The following TMEM44 variants were observed in gnomAD, a reference collection of about 807,000 sequenced individuals.
The protein encoded by TMEM44 is transmembrane protein 44.
A neutral mutation model predicts 47.8 loss-of-function variants in TMEM44; 43 were observed. The ratio of observed to expected loss-of-function variants is 0.90; its 90% CI spans 0.70 to 1.16. The LOEUF is 1.16. Among genes scored for constraint, TMEM44 ranks in the 50% most tolerant of loss-of-function variants. The probability of loss-of-function intolerance (pLI) is 0.00; values close to 1 mark genes in which losing one functional copy is unlikely to be tolerated. For missense variants in TMEM44, 568 were observed against 555.2 expected (o/e 1.02, Z -0.23); for synonymous variants, 277 against 238.8 (o/e 1.16, Z -1.48).
intron 8 of TMEM44, among the ~76,000 whole-genome samples, chr3:194,607,671 T>G (rs1314322373): frequency 6.6e-6 from 1 of 152,166 alleles, no homozygotes; most frequent in Non-Finnish European, 1.5e-5. Context: ...AGGAGTCGGC[T>G]GTGGGGCAAG....
rs577569485 is a variant in TMEM44 at position 194,593,678 on chromosome 3, ATC to A, written c.1177-5041_1177-5040del. 1.9e-3 allele frequency among the ~76,000 whole-genome samples: 296 copies of A among 152,338 alleles called. 2 individuals are homozygous for A. Among genetic ancestry groups the A allele is most frequent in the African/African-American group, 6.7e-3 (278 of 41,576 alleles). On this transcript the variant is annotated intron_variant, in intron 9 of 9. Coordinates refer to ENST00000347147, the MANE Select transcript of TMEM44 (RefSeq NM_001011655.3). ...TGACATGAGCTAAGAATCTATGAAT[ATC>A]TGTTACATTGATCTGGGAATGTCTA...
intron 9 of TMEM44, among the ~76,000 whole-genome samples, chr3:194,600,950 C>A (rs574526139): frequency 1.3e-5 from 2 of 152,230 alleles, no homozygotes; most frequent in East Asian, 3.9e-4. Context: ...AGGACCTCAG[C>A]GGCTTTGTCA....
rs1717969437 is a variant in TMEM44, at chr3:194,632,919, T to C, written c.137+160A>G. The C allele has an allele frequency of 2.7e-6, 3 of 1,113,824 alleles. No homozygotes were observed. In the African/African-American group the frequency reaches 4.9e-5, roughly 18 times the overall value. 69.0% of individuals were successfully genotyped at this position (1,113,824 alleles called of 1,614,324 possible). Reference sequence around the variant, plus strand: ...CTGTGCGTGGGATCCGGAAAGAAGATCCCACTTCAGTCTACAGAGCAATGT... The same window carrying C: ...CTGTGCGTGGGATCCGGAAAGAAGACCCCACTTCAGTCTACAGAGCAATGT... On this transcript the variant is annotated intron_variant, in intron 1 of 9. Coordinates refer to ENST00000347147, the MANE Select transcript of TMEM44 (RefSeq NM_001011655.3).
At chr3:194,626,986 A>G (rs1717256152) in intron 2 of TMEM44, among the ~76,000 whole-genome samples, 1 of 150,004 alleles carries the variant, frequency 6.7e-6, no homozygotes, top group South Asian at 2.1e-4. Context: ...CAGTGGCACG[A>G]TCTCGGCTTA....
chr3:194,602,032 C>G (rs116722795), intron 9 of TMEM44, among the ~76,000 whole-genome samples: 13 of 152,212 alleles, frequency 8.5e-5, no homozygotes, highest in Admixed American at 2.0e-4. Flanking sequence ...ATGCTCACTC[C>G]GGTCCCCTTT....
intron 8 of TMEM44, among the ~76,000 whole-genome samples, chr3:194,610,592 CCT>C (rs1715212590): frequency 6.6e-6 from 1 of 152,176 alleles, no homozygotes; most frequent in African/African-American, 2.4e-5. Context: ...GAACCCCAAA[CCT>C]CTTTTTCTTG....
At chr3:194,618,196 G>A (rs1370095176) in intron 5 of TMEM44, among the ~76,000 whole-genome samples, 2 of 152,158 alleles carry the variant, frequency 1.3e-5, no homozygotes, top group Non-Finnish European at 2.9e-5. Context: ...GTCACATGGG[G>A]AAGATCCGAA....
intron 9 of TMEM44, among the ~76,000 whole-genome samples, chr3:194,591,641 C>T (rs1712737921): frequency 6.6e-6 from 1 of 151,926 alleles, no homozygotes; most frequent in Non-Finnish European, 1.5e-5. Flanking sequence ...GAGACAGAGT[C>T]TCACTCCATC....
chr3:194,591,405 A>C (rs1198791558), intron 9 of TMEM44, among the ~76,000 whole-genome samples: 1 of 152,122 alleles, frequency 6.6e-6, no homozygotes, highest in Non-Finnish European at 1.5e-5. Flanking sequence ...GAAGCAGGAG[A>C]ATCGTTTGAA....
At chr3:194,595,626 ATT>A (rs1183156467) in intron 9 of TMEM44, among the ~76,000 whole-genome samples, 6 of 145,476 alleles carry the variant, frequency 4.1e-5, no homozygotes, top group African/African-American at 1.0e-4. Flanking sequence ...CTCATTCTCT[ATT>A]TTTTTTTTTT....
At chr3:194,604,223 C>T in intron 9 of TMEM44, 64 bp downstream of exon 9, 4 of 1,539,928 alleles carry the variant, frequency 2.6e-6, no homozygotes, top group Non-Finnish European at 3.5e-6. Context: ...CCCCAAGGAG[C>T]ACCCAGCAAG....
At chr3:194,620,183 C>T (rs1003707860) in intron 5 of TMEM44, among the ~76,000 whole-genome samples, 4 of 149,454 alleles carry the variant, frequency 2.7e-5, no homozygotes, top group East Asian at 4.0e-4. Flanking sequence ...CCCAGCTACT[C>T]GGGAGGCTGA....
intron 3 of TMEM44, among the ~76,000 whole-genome samples, chr3:194,625,551 G>A (rs1717070030): frequency 6.6e-6 from 1 of 152,102 alleles, no homozygotes; most frequent in South Asian, 2.1e-4. Context: ...TGCGATCTCA[G>A]CTCACTGCAA....
At chr3:194,632,646 G>A (rs1717939361) in intron 1 of TMEM44, among the ~76,000 whole-genome samples, 1 of 152,178 alleles carries the variant, frequency 6.6e-6, no homozygotes, top group South Asian at 2.1e-4. Flanking sequence ...CCTAGCTGGA[G>A]CAATACAAAT....
intron 5 of TMEM44, chr3:194,617,658 C>T (rs578108513): frequency 3.0e-5 from 21 of 704,010 alleles, no homozygotes; most frequent in South Asian, 8.9e-5. Context: ...CAGCACCTGA[C>T]GCTGGGCAGC....
In TMEM44 at chr3:194,611,099, A is replaced by C. The variant is rs1715280768; in HGVS notation, c.913-79T>G. 8.8e-6 allele frequency: 10 copies of C among 1,132,296 alleles called. No individual in the cohort carries two copies. Among genetic ancestry groups the C allele is most frequent in the South Asian group, 5.2e-5 (4 of 76,922 alleles). 70.1% of individuals were successfully genotyped at this position (1,132,296 alleles called of 1,614,324 possible). On this transcript the variant is annotated intron_variant, in intron 7 of 9. Coordinates refer to ENST00000347147, the MANE Select transcript of TMEM44 (RefSeq NM_001011655.3). This position sits in a 1 kb window ranked among gnomAD's most constrained non-coding sequence, Gnocchi z 4.2. ...TTTTCTAAAAACAAGGTCACATTTT[A>C]TTCAAAAGGACCCCCGTGGTATTTT...
intron 8 of TMEM44, 56 bp from the exon 9 acceptor site, chr3:194,604,501 G>C (rs1012270343): frequency 2.8e-5 from 41 of 1,454,028 alleles, no homozygotes; most frequent in Non-Finnish European, 3.6e-5. Context: ...TTTGATGGTT[G>C]AATTGTCAAA....
intron 7 of TMEM44, among the ~76,000 whole-genome samples, chr3:194,613,160 T>C (rs1715505129): frequency 6.6e-6 from 1 of 152,044 alleles, no homozygotes; most frequent in African/African-American, 2.4e-5. Flanking sequence ...ACAACACTTA[T>C]TTTTTATTTT....
At chr3:194,628,322 A>G in intron 2 of TMEM44, 61 bp downstream of exon 2, 1 of 1,560,510 alleles carries the variant, frequency 6.4e-7, no homozygotes, top group Non-Finnish European at 8.7e-7. Flanking sequence ...TGCAGCAGAG[A>G]GAAAGGCCAG....
Sources: allele counts gnomAD v4.1 joint callset (sites outside exome capture counted in the v4.1 genomes callset), GRCh38; gene constraint gnomAD v4.1.1; non-coding constraint Gnocchi (gnomAD v3.1); transcripts MANE v1.5; gene names NCBI Gene and HGNC (gene_info 2026-07-23, HGNC 2026-07-21).